PTPRD: variants seen among roughly 807,000 people sequenced by gnomAD.
PTPRD encodes receptor-type tyrosine-protein phosphatase delta.
PTPRD carries 34 observed loss-of-function variants against 214.5 expected under a neutral mutation model. The ratio of observed to expected loss-of-function variants is 0.16; its 90% confidence interval spans 0.12 to 0.21. PTPRD has a LOEUF of 0.21. Ranked by LOEUF, PTPRD falls within the 10% of genes least tolerant of loss-of-function variation. The pLI, the probability that PTPRD is intolerant of heterozygous loss-of-function variation, is 1.00. For missense variants in PTPRD, 2,545 were observed against 2,398.7 expected (o/e 1.06, Z -1.27); for synonymous variants, 1,128 against 845.7 (o/e 1.33, Z -5.79).
chr9:9,486,520 T>G (rs1226261922), intron 8 of PTPRD, among the ~76,000 whole-genome samples: 1 of 152,112 alleles, frequency 6.6e-6, no homozygotes, highest in Non-Finnish European at 1.5e-5. Flanking sequence ...TTTTTTTTCC[T>G]CCCTCATCTC....
chr9:10,202,671 GAT>G (rs77962535), intron 3 of PTPRD, among the ~76,000 whole-genome samples: 6,480 of 113,042 alleles, frequency 0.057, 337 homozygotes, highest in South Asian at 0.15. Flanking sequence ...AAATTATATG[GAT>G]ATATATATAT....
In PTPRD at chr9:8,454,502, C is replaced by T. The variant is rs1457082040; in HGVS notation, c.3876-4665G>A. 14 of 1,509,064 alleles carry T rather than the reference C, an allele frequency of 9.3e-6. No homozygotes were observed. In the African/African-American group the frequency reaches 1.5e-4, roughly 16 times the overall value. 93.5% of individuals were successfully genotyped at this position (1,509,064 alleles called of 1,614,324 possible). A position where few individuals can be genotyped will look rare whatever the true frequency, so the allele number is the denominator to read the frequency against. ...TCTTTTGTGTGCAGCCCCGCCCTCC[C>T]CTCTTCAACAACTCTGAAGTCTACC... On this transcript the variant is annotated intron_variant, in intron 33 of 45. Coordinates refer to ENST00000381196, the MANE Select transcript of PTPRD (RefSeq NM_002839.4).
intron 21 of PTPRD, among the ~76,000 whole-genome samples, chr9:8,514,789 C>G (rs1313264402): frequency 2.0e-5 from 3 of 152,106 alleles, no homozygotes; most frequent in Non-Finnish European, 2.9e-5. Context: ...TGCGTCCCCA[C>G]CCAAATCTCT....
intron 4 of PTPRD, among the ~76,000 whole-genome samples, chr9:9,947,346 AAT>A (rs1307897092): frequency 4.6e-5 from 2 of 43,690 alleles, no homozygotes; most frequent in Non-Finnish European, 7.0e-5. Flanking sequence ...TTATATATAT[AAT>A]ATATATTATA....
At chr9:9,891,645 A>AT (rs953468453) in intron 5 of PTPRD, among the ~76,000 whole-genome samples, 3 of 151,428 alleles carry the variant, frequency 2.0e-5, no homozygotes, top group Admixed American at 6.6e-5. Context: ...GAGTAACAGG[A>AT]TTTTTTTTCA....
chr9:9,653,104 A>G (rs1230564745), intron 7 of PTPRD, among the ~76,000 whole-genome samples: 4 of 149,430 alleles, frequency 2.7e-5, no homozygotes, highest in South Asian at 2.1e-4. Flanking sequence ...GCACTTTGGG[A>G]GGCCGAGGCG....
intron 6 of PTPRD, among the ~76,000 whole-genome samples, chr9:9,751,043 T>G (rs966376750): frequency 6.6e-6 from 1 of 152,148 alleles, no homozygotes; most frequent in Non-Finnish European, 1.5e-5. Flanking sequence ...TTCAGAATGT[T>G]CGTGGCCTCT....
chr9:10,446,417 C>CTTT (rs34478548), intron 2 of PTPRD, among the ~76,000 whole-genome samples: 51 of 92,950 alleles, frequency 5.5e-4, no homozygotes, highest in Non-Finnish European at 6.9e-4. Context: ...CTATTTTTTT[C>CTTT]TTTTTTTTTT....
At position 9,020,503 on chromosome 9, in the gene PTPRD, G is replaced by C. The variant is rs79057872; in HGVS notation, c.-142-1768C>G. 3.7e-3 allele frequency among the ~76,000 whole-genome samples: 564 copies of C among 152,282 alleles called. 4 individuals carry two copies. Among genetic ancestry groups the C allele is most frequent in the African/African-American group, 0.012 (506 of 41,558 alleles). On this transcript the variant is annotated intron_variant, in intron 10 of 45. Coordinates refer to ENST00000381196, the MANE Select transcript of PTPRD (RefSeq NM_002839.4). ...CAAAGAAAAGGCTGGTTGAGGCATT[G>C]AATGTGAAGGTAAGACAAAATAAGG...
intron 9 of PTPRD, among the ~76,000 whole-genome samples, chr9:9,369,397 T>C (rs2058807891): frequency 6.6e-6 from 1 of 152,170 alleles, no homozygotes. Context: ...TTTGGCTGCA[T>C]AAATGTCTTC....
At chr9:9,487,202 C>G (rs1054674841) in intron 8 of PTPRD, among the ~76,000 whole-genome samples, 9 of 151,792 alleles carry the variant, frequency 5.9e-5, no homozygotes, top group Admixed American at 5.3e-4. Context: ...TAATGCTATC[C>G]CTCCCCCTTC....
intron 9 of PTPRD, among the ~76,000 whole-genome samples, chr9:9,389,326 C>T (rs1346617885): frequency 1.3e-5 from 2 of 152,064 alleles, no homozygotes; most frequent in African/African-American, 4.8e-5. Flanking sequence ...GCCTGACCAA[C>T]ATGGTGAAAT....
intron 9 of PTPRD, among the ~76,000 whole-genome samples, chr9:9,305,933 G>A (rs1555204851): frequency 6.6e-6 from 1 of 152,032 alleles, no homozygotes; most frequent in Non-Finnish European, 1.5e-5. Flanking sequence ...CTGAAACCTT[G>A]ATTTTGATCT....
intron 11 of PTPRD, among the ~76,000 whole-genome samples, chr9:8,781,391 C>A (rs573661873): frequency 1.5e-4 from 23 of 152,186 alleles, no homozygotes; most frequent in African/African-American, 5.1e-4. Flanking sequence ...GGAAAATACC[C>A]TTAGGAGATA....
At chr9:9,183,606 T>C (rs2099929537) in intron 9 of PTPRD, among the ~76,000 whole-genome samples, 1 of 152,046 alleles carries the variant, frequency 6.6e-6, no homozygotes, top group South Asian at 2.1e-4. Flanking sequence ...GAATATTGAC[T>C]ATTCTTTAAA....
intron 2 of PTPRD, among the ~76,000 whole-genome samples, chr9:10,468,648 A>T (rs1445466869): frequency 6.6e-6 from 1 of 152,156 alleles, no homozygotes; most frequent in Non-Finnish European, 1.5e-5. Flanking sequence ...AAAATATAAT[A>T]AAAACATTAA....
chr9:9,193,162 TA>T (rs1413202804), intron 9 of PTPRD, among the ~76,000 whole-genome samples: 9 of 152,318 alleles, frequency 5.9e-5, no homozygotes, highest in African/African-American at 1.9e-4. Flanking sequence ...AAATATTTTA[TA>T]TTTTTATTTC....
intron 11 of PTPRD, among the ~76,000 whole-genome samples, chr9:8,904,959 C>T (rs1008204138): frequency 2.0e-5 from 3 of 151,830 alleles, no homozygotes; most frequent in East Asian, 3.9e-4. Context: ...TAAAATTGGC[C>T]GAAGATGTAA....
At chr9:8,950,077 A>G (rs920642013) in intron 11 of PTPRD, among the ~76,000 whole-genome samples, 1 of 152,136 alleles carries the variant, frequency 6.6e-6, no homozygotes, top group Admixed American at 6.6e-5. Context: ...TGGAATGTCT[A>G]TTTTACAAGT....
Sources: gnomAD v4.1 joint callset for allele counts (sites outside exome capture counted in the v4.1 genomes callset) on GRCh38, gnomAD v4.1.1 for gene constraint, MANE v1.5 for transcripts, NCBI Gene and HGNC (gene_info 2026-07-23, HGNC 2026-07-21) for gene names.